Variants in LUZP2 observed in about 807,000 individuals in gnomAD.
LUZP2 encodes the protein leucine zipper protein 2.
LUZP2 carries 52 observed loss-of-function variants against 51.6 expected under a neutral mutation model. The ratio of observed to expected loss-of-function variants is 1.01; its 90% CI spans 0.81 to 1.27. LUZP2 has a LOEUF of 1.27. LUZP2 is among the 50% of genes most tolerant of loss of function. The pLI is 0.00. For synonymous variants in LUZP2, 154 were observed against 137.3 expected, an observed-to-expected ratio of 1.12 and a Z score of -0.85; for missense variants, 436 against 395.4, an observed-to-expected ratio of 1.10 and a Z score of -0.87.
intron 5 of LUZP2, among the ~76,000 whole-genome samples, chr11:24,887,757 T>G (rs1171241613): frequency 6.6e-6 from 1 of 152,330 alleles, no homozygotes; most frequent in South Asian, 2.1e-4. Context: ...CATTGTAAAA[T>G]GACATATTTA....
At chr11:24,652,642 T>C (rs1044951737) in intron 1 of LUZP2, among the ~76,000 whole-genome samples, 3 of 152,114 alleles carry the variant, frequency 2.0e-5, no homozygotes, top group Non-Finnish European at 4.4e-5. Context: ...TGAAGGTCAA[T>C]TGATACCTAA....
At position 24,773,708 on chromosome 11, in the gene LUZP2, GTCTCAGTAGCATTTAAAATCTCCACC is replaced by G. The variant is rs1848822037; in HGVS notation, c.396+10402_396+10427del. Among the ~76,000 whole-genome samples the G allele has an allele frequency of 3.3e-5, 5 of 152,128 alleles. No homozygotes were observed. The South Asian group carries it at 1.0e-3, about 31-fold the overall frequency. On this transcript the variant is annotated intron_variant, in intron 5 of 11. Transcript: ENST00000336930. The stretch of plus-strand genomic sequence containing the variant: ...GTACATGCTATTACACATGTCTCAT[GTCTCAGTAGCATTTAAAATCTCCACC>G]TAGGAGTATGTTCTTTACTATTATA...
At chr11:24,801,417 T>C (rs2134116447) in intron 5 of LUZP2, among the ~76,000 whole-genome samples, 1 of 152,160 alleles carries the variant, frequency 6.6e-6, no homozygotes. Context: ...ATGTATTGTG[T>C]TTGGAGGAAA....
chr11:24,565,951 AATTGT>A (rs1209898054), intron 1 of LUZP2, among the ~76,000 whole-genome samples: 2 of 152,114 alleles, frequency 1.3e-5, no homozygotes, highest in African/African-American at 4.8e-5. Flanking sequence ...ATATTTTAAA[AATTGT>A]ATTAATAGTA....
At chr11:24,608,901 A>G (rs1488454455) in intron 1 of LUZP2, among the ~76,000 whole-genome samples, 6 of 152,094 alleles carry the variant, frequency 3.9e-5, no homozygotes, top group Non-Finnish European at 7.4e-5. Flanking sequence ...TATATACAGG[A>G]GTTCTCCAAC....
intron 9 of LUZP2, among the ~76,000 whole-genome samples, chr11:25,030,947 T>TATATAATATATATAATATATATTA (rs1314660495): frequency 3.8e-4 from 1 of 2,640 alleles, no homozygotes; most frequent in Non-Finnish European, 1.0e-3. Context: ...ATTATATATA[T>TATATAATATATATAATATATATTA]TATATATATA....
chr11:25,023,367 T>C (rs1176133159), intron 9 of LUZP2, among the ~76,000 whole-genome samples: 1 of 152,170 alleles, frequency 6.6e-6, no homozygotes, highest in Non-Finnish European at 1.5e-5. Flanking sequence ...TGGTTTAGTC[T>C]TGGGAGGGTG....
At chr11:24,983,794 T>C (rs1005263500) in intron 9 of LUZP2, among the ~76,000 whole-genome samples, 1 of 140,462 alleles carries the variant, frequency 7.1e-6, no homozygotes, top group Admixed American at 7.7e-5. Context: ...TGGGGTTTTT[T>C]TTCCCAGACC....
At chr11:24,738,393 T>TA (rs34565248) in intron 4 of LUZP2, 91 bp downstream of exon 4, 3 of 808,958 alleles carry the variant, frequency 3.7e-6, no homozygotes, top group Non-Finnish European at 6.1e-6. Flanking sequence ...AACACACCTA[T>TA]AAAAAATAAA....
intron 9 of LUZP2, among the ~76,000 whole-genome samples, chr11:25,004,485 C>T (rs1856779959): frequency 6.6e-6 from 1 of 152,062 alleles, no homozygotes; most frequent in Non-Finnish European, 1.5e-5. Context: ...TTAATAATGC[C>T]TCCAGATTTT....
intron 4 of LUZP2, among the ~76,000 whole-genome samples, chr11:24,758,283 A>G (rs1175253162): frequency 1.3e-5 from 2 of 151,996 alleles, no homozygotes; most frequent in Non-Finnish European, 2.9e-5. Flanking sequence ...CAGAAACCAT[A>G]AAGAGATGAC....
chr11:24,937,671 G>T (rs1854625678), intron 7 of LUZP2, among the ~76,000 whole-genome samples: 1 of 152,094 alleles, frequency 6.6e-6, no homozygotes, highest in Non-Finnish European at 1.5e-5. Flanking sequence ...GGAGGCCGAG[G>T]TGGGCGGATC....
chr11:24,905,299 G>A (rs1853411888), intron 5 of LUZP2, among the ~76,000 whole-genome samples: 1 of 152,132 alleles, frequency 6.6e-6, no homozygotes, highest in Non-Finnish European at 1.5e-5. Flanking sequence ...GCCGAGGCAG[G>A]CCGATCACCT....
intron 1 of LUZP2, among the ~76,000 whole-genome samples, chr11:24,564,550 TGTATGTA>T (rs1852154959): frequency 6.6e-6 from 1 of 152,112 alleles, no homozygotes; most frequent in South Asian, 2.1e-4. Context: ...TCACTATAGT[TGTATGTA>T]AGCCATCAAA....
At chr11:24,717,617 G>A (rs570234351) in intron 1 of LUZP2, among the ~76,000 whole-genome samples, 10 of 150,698 alleles carry the variant, frequency 6.6e-5, no homozygotes, top group East Asian at 2.0e-4. Flanking sequence ...GGGTTTCACC[G>A]TGTTACCCAG....
chr11:25,063,334 C>G (rs1858903403), intron 10 of LUZP2, among the ~76,000 whole-genome samples: 1 of 151,556 alleles, frequency 6.6e-6, no homozygotes, highest in African/African-American at 2.4e-5. Context: ...TGGAAGAAAT[C>G]TCCAGCTGAT....
At chr11:24,704,555 A>G (rs934473493) in intron 1 of LUZP2, among the ~76,000 whole-genome samples, 1 of 151,812 alleles carries the variant, frequency 6.6e-6, no homozygotes, top group Non-Finnish European at 1.5e-5. Context: ...AGTCAAGAAT[A>G]TGTCAGTGAG....
At chr11:24,827,309 A>G (rs1393654783) in intron 5 of LUZP2, among the ~76,000 whole-genome samples, 1 of 152,172 alleles carries the variant, frequency 6.6e-6, no homozygotes, top group East Asian at 1.9e-4. Context: ...TGCTTTCTTC[A>G]GGCCCAAGAT....
intron 1 of LUZP2, among the ~76,000 whole-genome samples, chr11:24,552,953 TTTAAA>T (rs1462817498): frequency 6.6e-6 from 1 of 151,086 alleles, no homozygotes; most frequent in Non-Finnish European, 1.5e-5. Flanking sequence ...AGGAAAATAT[TTTAAA>T]TTATATATAA....
Sources: gnomAD v4.1 joint callset for allele counts (sites outside exome capture counted in the v4.1 genomes callset) on GRCh38, gnomAD v4.1.1 for gene constraint, MANE v1.5 for transcripts, NCBI Gene and HGNC (gene_info 2026-07-23, HGNC 2026-07-21) for gene names.